The following CAMSAP2 variants were observed in gnomAD, a reference collection of about 807,000 sequenced individuals.
CAMSAP2 encodes the protein calmodulin-regulated spectrin-associated protein 2.
CAMSAP2 carries 26 observed loss-of-function variants against 146.1 expected under a neutral mutation model. The observed-to-expected ratio is 0.18, with a 90% CI of 0.13 to 0.25. The LOEUF (loss-of-function observed/expected upper bound fraction) is 0.25, where lower values mean the gene tolerates loss of function less well. CAMSAP2 is among the 10% of genes least tolerant of loss of function. The pLI is 1.00. For synonymous variants in CAMSAP2, 499 were observed against 596.6 expected (o/e 0.84, Z 2.38); for missense variants, 1,381 against 1,759.3 (o/e 0.78, Z 3.85).
chr1:200,790,917 T>C (rs1053281550), intron 2 of CAMSAP2, among the ~76,000 whole-genome samples: 3 of 152,270 alleles, frequency 2.0e-5, no homozygotes, highest in South Asian at 2.1e-4. Flanking sequence ...CCATCTTGGC[T>C]CACTGTAACC....
chr1:200,782,808 T>TG (rs1228124739), intron 2 of CAMSAP2, among the ~76,000 whole-genome samples: 2 of 144,442 alleles, frequency 1.4e-5, no homozygotes, highest in Non-Finnish European at 3.0e-5. Flanking sequence ...TTTTTTTTTT[T>TG]GAGACAGGGT....
intron 2 of CAMSAP2, among the ~76,000 whole-genome samples, chr1:200,772,899 C>T (rs1665156195): frequency 6.6e-6 from 1 of 152,170 alleles, no homozygotes; most frequent in Admixed American, 6.5e-5. Context: ...TGATATCTAG[C>T]TTATTTCCTA....
Position 200,848,508 on chromosome 1 carries a change from C to T in CAMSAP2, c.1739C>T (p.Ser580Leu). Residue 580 changes from serine (S) to leucine (L), a missense_variant, in exon 11 of 17, where the codon TCA (serine) becomes TTA (leucine). Transcript: ENST00000358823. ...LHSQEMSILNSNIKLNQSSPD... is the reference protein window; with the variant it reads ...LHSQEMSILNLNIKLNQSSPD... ...AGTCAAGAAATGAGTATCTTAAATT[C>T]AAATATCAAGTTAAATCAATCTAGT... The T allele has an allele frequency of 6.2e-7, 1 of 1,613,738 alleles. No individual in the cohort carries two copies. The highest frequency in any genetic ancestry group is 8.5e-7 in the Non-Finnish European group (1 of 1,179,908).
At chr1:200,750,627 CTT>C (rs11342306) in intron 1 of CAMSAP2, among the ~76,000 whole-genome samples, 172 of 142,990 alleles carry the variant, frequency 1.2e-3, no homozygotes, top group East Asian at 3.9e-3. Flanking sequence ...ATAGATACAT[CTT>C]TTTTTTTTTT....
intron 2 of CAMSAP2, among the ~76,000 whole-genome samples, chr1:200,764,342 T>G (rs554044752): frequency 2.0e-5 from 3 of 152,212 alleles, no homozygotes; most frequent in Non-Finnish European, 2.9e-5. Context: ...ATTCTTTTTC[T>G]TCAAAGTCTC....
chr1:200,843,884 G>GTTTTGTTTT (rs1667390597), intron 7 of CAMSAP2, among the ~76,000 whole-genome samples: 1 of 148,242 alleles, frequency 6.7e-6, no homozygotes, highest in African/African-American at 2.5e-5. Flanking sequence ...GTTTTGTTTT[G>GTTTTGTTTT]TTTTTGAGAT....
intron 2 of CAMSAP2, among the ~76,000 whole-genome samples, chr1:200,776,946 G>A (rs558304943): frequency 6.6e-6 from 1 of 152,156 alleles, no homozygotes; most frequent in Non-Finnish European, 1.5e-5. Flanking sequence ...TTTCCAGACA[G>A]GTGCTTGCCT....
At chr1:200,808,658 A>G (rs564757092) in intron 3 of CAMSAP2, among the ~76,000 whole-genome samples, 46 of 152,260 alleles carry the variant, frequency 3.0e-4, no homozygotes, top group South Asian at 1.5e-3. Context: ...TTCTAGACCT[A>G]TTCATCTTGA....
At chr1:200,811,277 T>C (rs1215563281) in intron 3 of CAMSAP2, among the ~76,000 whole-genome samples, 1 of 152,152 alleles carries the variant, frequency 6.6e-6, no homozygotes, top group Non-Finnish European at 1.5e-5. Flanking sequence ...TTTTTCTCCC[T>C]GCACTTCTTA....
intron 7 of CAMSAP2, among the ~76,000 whole-genome samples, chr1:200,844,373 C>A (rs1285005888): frequency 6.6e-6 from 1 of 151,568 alleles, no homozygotes; most frequent in Admixed American, 6.6e-5. Flanking sequence ...TATGGTGAAA[C>A]CCTGTCTCTA....
At chr1:200,794,308 A>G (rs74465041) in intron 2 of CAMSAP2, among the ~76,000 whole-genome samples, 428 of 152,354 alleles carry the variant, frequency 2.8e-3, no homozygotes, top group African/African-American at 9.5e-3. Flanking sequence ...AGTAAGTACA[A>G]TAGACCCTGC....
chr1:200,797,164 A>G (rs1211349958), intron 2 of CAMSAP2, among the ~76,000 whole-genome samples: 1 of 152,010 alleles, frequency 6.6e-6, no homozygotes, highest in East Asian at 1.9e-4. Context: ...AGAATGATTT[A>G]TAGTCCTTTG....
At chr1:200,844,745 CT>C in intron 7 of CAMSAP2, 36 bp from the exon 8 acceptor site, 1 of 1,214,142 alleles carries the variant, frequency 8.2e-7, no homozygotes, top group East Asian at 2.5e-5. Context: ...TAGAAATATG[CT>C]AATTTGAGGG....
intron 2 of CAMSAP2, among the ~76,000 whole-genome samples, chr1:200,804,777 C>A (rs1285772473): frequency 1.3e-5 from 2 of 152,164 alleles, no homozygotes; most frequent in African/African-American, 2.4e-5. Flanking sequence ...GTGGAAAATA[C>A]TTCTTAGAGG....
chr1:200,756,663 T>A (rs1413377452), intron 1 of CAMSAP2, among the ~76,000 whole-genome samples: 3 of 152,094 alleles, frequency 2.0e-5, no homozygotes, highest in Non-Finnish European at 4.4e-5. Context: ...CAGAGAAAAC[T>A]AAAGTTTCTC....
intron 6 of CAMSAP2, among the ~76,000 whole-genome samples, chr1:200,833,267 A>G (rs757114138): frequency 1.3e-5 from 2 of 152,116 alleles, no homozygotes; most frequent in African/African-American, 4.8e-5. Context: ...ACTTAAAGTC[A>G]TGTACAAAAT....
chr1:200,774,585 A>G (rs535586112), intron 2 of CAMSAP2, among the ~76,000 whole-genome samples: 18 of 152,360 alleles, frequency 1.2e-4, no homozygotes, highest in African/African-American at 4.3e-4. Flanking sequence ...AGAAAGTAAA[A>G]GCAGGATAAT....
At position 200,761,106 on chromosome 1, in the gene CAMSAP2, T is replaced by C; in HGVS notation, c.399+8T>C. 1 of 1,612,482 alleles carries C rather than the reference T, an allele frequency of 6.2e-7. No individual in the cohort carries two copies. The highest frequency in any genetic ancestry group is 8.5e-7 in the Non-Finnish European group (1 of 1,178,724). On this transcript the variant is annotated splice_region_variant and intron_variant, in intron 2 of 16. Coordinates refer to ENST00000358823, the MANE Select transcript of CAMSAP2 (RefSeq NM_203459.4). ...AAGAAACCCATACAGATGGTGAGTC[T>C]TTATATACCCAAGATTATTTTAAGT...
chr1:200,781,263 T>C (rs1427941264), intron 2 of CAMSAP2, among the ~76,000 whole-genome samples: 1 of 152,254 alleles, frequency 6.6e-6, no homozygotes, highest in Admixed American at 6.5e-5. Flanking sequence ...TGTGACTGTT[T>C]AAAATATACT....
Sources: gnomAD v4.1 joint callset for allele counts (sites outside exome capture counted in the v4.1 genomes callset) on GRCh38, gnomAD v4.1.1 for gene constraint, MANE v1.5 for transcripts, NCBI Gene and HGNC (gene_info 2026-07-23, HGNC 2026-07-21) for gene names.